Variants in FYN observed in about 807,000 individuals in gnomAD.
FYN encodes the protein tyrosine-protein kinase Fyn.
Under a neutral mutation model 70.2 loss-of-function variants are expected in FYN, and 10 were observed. The ratio of observed to expected loss-of-function variants is 0.14; its 90% CI spans 0.09 to 0.24. The LOEUF (loss-of-function observed/expected upper bound fraction) is 0.24. Among genes scored for constraint, FYN ranks in the 10% least tolerant of loss-of-function variants. The probability of loss-of-function intolerance (pLI) is 1.00; values close to 1 mark genes in which losing one functional copy is unlikely to be tolerated. For synonymous variants in FYN, 236 were observed against 248.6 expected, an observed-to-expected ratio of 0.95 and a Z score of 0.48; for missense variants, 319 against 673.1, an observed-to-expected ratio of 0.47 and a Z score of 5.82.
chr6:111,839,179 C>T (rs1003925112), intron 2 of FYN, among the ~76,000 whole-genome samples: 5 of 152,172 alleles, frequency 3.3e-5, no homozygotes, highest in Non-Finnish European at 5.9e-5. Context: ...AGAAGAGTTT[C>T]CTCTGTACTA....
intron 12 of FYN, among the ~76,000 whole-genome samples, chr6:111,677,756 T>C (rs1055785750): frequency 1.3e-5 from 2 of 152,184 alleles, no homozygotes; most frequent in Non-Finnish European, 2.9e-5. Flanking sequence ...GTCTTCTAAG[T>C]AGTATGGACT....
At chr6:111,814,304 G>A (rs1459548674) in intron 2 of FYN, among the ~76,000 whole-genome samples, 1 of 152,104 alleles carries the variant, frequency 6.6e-6, no homozygotes, top group African/African-American at 2.4e-5. Context: ...TAATTCTAAA[G>A]ACAAAAGTGG....
intron 2 of FYN, among the ~76,000 whole-genome samples, chr6:111,791,009 A>AT (rs113743323): frequency 0.016 from 2,483 of 152,078 alleles, 30 homozygotes; most frequent in Non-Finnish European, 0.02. Context: ...TGAACCACCA[A>AT]TTTTTTTTGT....
In FYN at chr6:111,661,625, C is replaced by A; in HGVS notation, c.*114G>T. On this transcript the variant is annotated 3_prime_UTR_variant, in exon 14 of 14. Coordinates refer to ENST00000354650, the MANE Select transcript of FYN (RefSeq NM_002037.5). This position sits in a 1 kb window ranked among gnomAD's most constrained non-coding sequence, Gnocchi z 4.0. ...AGTTCGTCAGCTTCAGAGTCACATGCAATCTGATCCTGGGCGGTTCCGCTG... is the reference window on the plus strand; with the variant it reads ...AGTTCGTCAGCTTCAGAGTCACATGAAATCTGATCCTGGGCGGTTCCGCTG... The A allele has an allele frequency of 2.1e-6, 2 of 961,878 alleles. No homozygotes were observed. Among genetic ancestry groups the A allele is most frequent in the Admixed American group, 2.3e-5 (1 of 43,616 alleles). The allele number at this position is 961,878 out of a possible 1,614,324, so 59.6% of individuals were successfully genotyped here.
At position 111,748,125 on chromosome 6, in the gene FYN, G is replaced by A. The variant is rs549049238; in HGVS notation, c.-11-28063C>T. Among the ~76,000 whole-genome samples, 17 of 152,340 alleles carry A rather than the reference G, an allele frequency of 1.1e-4. 1 individual carries two copies. In the South Asian group the frequency reaches 1.7e-3, roughly 15 times the overall value. ...TTACATTCTGTAATTAGGTCAAAGC[G>A]AGACATACCCGTGTTGTGAGCTACA... On this transcript the variant is annotated intron_variant, in intron 3 of 13. Transcript: ENST00000354650.
At chr6:111,815,129 C>T (rs1289332662) in intron 2 of FYN, among the ~76,000 whole-genome samples, 3 of 152,130 alleles carry the variant, frequency 2.0e-5, no homozygotes, top group Non-Finnish European at 2.9e-5. Context: ...CTCAATCACA[C>T]TGGATGAGAG....
At chr6:111,747,743 T>C (rs1363251941) in intron 3 of FYN, among the ~76,000 whole-genome samples, 1 of 152,236 alleles carries the variant, frequency 6.6e-6, no homozygotes, top group Non-Finnish European at 1.5e-5. Context: ...GATAGTGTCC[T>C]TAAAAAAAGC....
At chr6:111,804,057 T>C (rs73527773) in intron 2 of FYN, among the ~76,000 whole-genome samples, 110 of 152,328 alleles carry the variant, frequency 7.2e-4, no homozygotes, top group African/African-American at 2.5e-3. Flanking sequence ...CAGCTACTAG[T>C]TTCACTTAAG....
chr6:111,696,209 T>G, intron 10 of FYN, 68 bp downstream of exon 10: 3 of 1,318,660 alleles, frequency 2.3e-6, no homozygotes. Context: ...GTAGGAAACT[T>G]CCATTTCTCT....
At position 111,720,067 on chromosome 6, in the gene FYN, C is replaced by CAAAAA; in HGVS notation, c.-11-6_-11-5insTTTTT. Reference sequence around the variant, plus strand: ...CACAGCCCATTATCTAAATTCCTGCCAAAGACAAAAAAGGGGGCACGTAAG... The same window carrying CAAAAA: ...CACAGCCCATTATCTAAATTCCTGCCAAAAAAAAGACAAAAAAGGGGGCACGTAAG... On this transcript the variant is annotated splice_polypyrimidine_tract_variant and splice_region_variant and intron_variant, in intron 3 of 13. Transcript: ENST00000354650. 6.4e-7 allele frequency: 1 copy of CAAAAA among 1,566,002 alleles called. No homozygotes were observed. The highest frequency in any genetic ancestry group is 1.8e-5 in the Admixed American group (1 of 54,334).
intron 12 of FYN, among the ~76,000 whole-genome samples, chr6:111,686,383 C>T (rs915088946): frequency 3.3e-5 from 5 of 152,140 alleles, no homozygotes; most frequent in Admixed American, 1.3e-4. Flanking sequence ...GCGGGAAAGC[C>T]GTGTCTGACC....
chr6:111,671,752 G>C (rs962100450), intron 13 of FYN, among the ~76,000 whole-genome samples: 5 of 152,164 alleles, frequency 3.3e-5, no homozygotes, highest in Non-Finnish European at 5.9e-5. Flanking sequence ...AGAATGCAGA[G>C]AGGAAGGTCC....
intron 3 of FYN, among the ~76,000 whole-genome samples, chr6:111,727,097 C>T (rs534694215): frequency 3.3e-5 from 5 of 152,308 alleles, no homozygotes; most frequent in South Asian, 4.1e-4. Context: ...ACATTACTAA[C>T]GGAGGCACTG....
chr6:111,697,394 T>C (rs74790191), intron 9 of FYN, among the ~76,000 whole-genome samples: 7,221 of 152,296 alleles, frequency 0.047, 488 homozygotes, highest in African/African-American at 0.16. Flanking sequence ...CTAATTTAGA[T>C]TATTTTCTAT....
chr6:111,854,623 A>G (rs1037701653), intron 1 of FYN, among the ~76,000 whole-genome samples: 3 of 152,202 alleles, frequency 2.0e-5, no homozygotes, highest in Non-Finnish European at 2.9e-5. Flanking sequence ...GAATGCTCTC[A>G]TTTCAGTGTT....
rs147621379 is a variant in FYN at position 111,767,109 on chromosome 6, G to A, written c.-12+13457C>T. On this transcript the variant is annotated intron_variant, in intron 3 of 13. Transcript: ENST00000354650. The stretch of plus-strand genomic sequence containing the variant: ...AACCTCTGCTCCCCAAATCCAACAA[G>A]ATCACCCAGTATCCAGGAAAATACA... 4.1e-3 allele frequency among the ~76,000 whole-genome samples: 629 copies of A among 152,172 alleles called. 2 individuals carry two copies. The highest frequency in any genetic ancestry group is 0.024 in the Middle Eastern group (7 of 294).
At chr6:111,704,754 A>C (rs1799995394) in intron 6 of FYN, among the ~76,000 whole-genome samples, 2 of 150,356 alleles carry the variant, frequency 1.3e-5, no homozygotes, top group African/African-American at 4.9e-5. Flanking sequence ...GCCGTGTCTC[A>C]AAACAAAACA....
intron 1 of FYN, among the ~76,000 whole-genome samples, chr6:111,852,464 T>A (rs1214790313): frequency 2.0e-5 from 3 of 152,032 alleles, no homozygotes; most frequent in Non-Finnish European, 4.4e-5. Context: ...CAAGAAGAAC[T>A]GAAATAAAGG....
intron 1 of FYN, among the ~76,000 whole-genome samples, chr6:111,861,272 C>A (rs1773954657): frequency 1.3e-5 from 2 of 152,124 alleles, no homozygotes; most frequent in Admixed American, 6.5e-5. Context: ...AAACTTGCTA[C>A]TGAAAATGGA....
Sources: gnomAD v4.1 joint callset for allele counts (sites outside exome capture counted in the v4.1 genomes callset) on GRCh38, gnomAD v4.1.1 for gene constraint, Gnocchi (gnomAD v3.1) non-coding constraint, MANE v1.5 for transcripts, NCBI Gene and HGNC (gene_info 2026-07-23, HGNC 2026-07-21) for gene names.